MTMR3: variants seen among roughly 807,000 people sequenced by gnomAD.
MTMR3 encodes myotubularin related protein 3.
In MTMR3, 32 loss-of-function variants were observed where a neutral mutation model predicts 132.4. The ratio of observed to expected loss-of-function variants is 0.24; its 90% CI spans 0.18 to 0.32. MTMR3 has a LOEUF of 0.32. MTMR3 is among the 10% of genes least tolerant of loss of function. The probability of loss-of-function intolerance (pLI) is 1.00; values close to 1 mark genes in which losing one functional copy is unlikely to be tolerated. For synonymous variants in MTMR3, 556 were observed against 550.3 expected (o/e 1.01, Z -0.14); for missense variants, 1,216 against 1,489.6 (o/e 0.82, Z 3.02).
chr22:30,022,186 G>A, intron 18 of MTMR3, 47 bp downstream of exon 18: 1 of 1,483,366 alleles, frequency 6.7e-7, no homozygotes, highest in East Asian at 2.3e-5. Flanking sequence ...TAACTGTTTT[G>A]TGGTTCTTCT....
chr22:30,008,942 C>T, intron 11 of MTMR3, 76 bp from the exon 12 acceptor site: 1 of 960,020 alleles, frequency 1.0e-6, no homozygotes, highest in Non-Finnish European at 1.7e-6. Context: ...GTTTTATAGC[C>T]AGTTTGCTTT....
intron 6 of MTMR3, chr22:29,990,697 C>T (rs1207929895): frequency 6.6e-6 from 1 of 152,194 alleles, no homozygotes; most frequent in Non-Finnish European, 1.5e-5. Context: ...TCTCGTGCCT[C>T]AGCCTTCTGA....
chr22:29,930,128 T>C (rs2065612785), intron 1 of MTMR3, among the ~76,000 whole-genome samples: 1 of 152,228 alleles, frequency 6.6e-6, no homozygotes, highest in African/African-American at 2.4e-5. Context: ...ATTTTTGCTT[T>C]TGAAAGTCAA....
At chr22:29,966,242 C>T (rs984879380) in intron 2 of MTMR3, among the ~76,000 whole-genome samples, 8 of 152,076 alleles carry the variant, frequency 5.3e-5, no homozygotes, top group Non-Finnish European at 1.0e-4. Flanking sequence ...AACCTATAAC[C>T]ACAGTAACAT....
At chr22:29,883,644 C>G (rs890010371) in intron 1 of MTMR3, among the ~76,000 whole-genome samples, 1 of 152,158 alleles carries the variant, frequency 6.6e-6, no homozygotes, top group African/African-American at 2.4e-5. Flanking sequence ...GCTGCCTTCC[C>G]AGACCTGGCG....
chr22:30,013,272 A>G (rs1601420693), intron 13 of MTMR3, 84 bp from the exon 14 acceptor site: 1 of 1,445,184 alleles, frequency 6.9e-7, no homozygotes, highest in East Asian at 2.3e-5. Flanking sequence ...GTTAGAGGGG[A>G]TTGCTTTCTG....
At chr22:29,901,107 A>G (rs1247542480) in intron 1 of MTMR3, among the ~76,000 whole-genome samples, 2 of 152,098 alleles carry the variant, frequency 1.3e-5, no homozygotes, top group Non-Finnish European at 2.9e-5. Flanking sequence ...AAATTTTGGT[A>G]TTTTGAACCA....
rs1385821477 is a variant in MTMR3, at chr22:29,983,934, A to AT, written c.211-4540dup. 4.8e-4 allele frequency: 73 copies of AT among 151,320 alleles called. 2 individuals are homozygous for AT. The highest frequency in any genetic ancestry group is 8.8e-5 in the Non-Finnish European group (6 of 67,818). The allele number at this position is 151,320 out of a possible 1,614,324, so 9.4% of individuals were successfully genotyped here. On this transcript the variant is annotated intron_variant, in intron 5 of 19. Transcript: ENST00000401950. ...TTACAGATGTGAGCCACTGCACTCAATTTTTTATTTTATTTTATTTTTATT... is the reference window on the plus strand; with the variant it reads ...TTACAGATGTGAGCCACTGCACTCAATTTTTTTATTTTATTTTATTTTTATT...
chr22:30,008,864 A>G, intron 11 of MTMR3, 154 bp from the exon 12 acceptor site: 1 of 524,076 alleles, frequency 1.9e-6, no homozygotes, highest in Non-Finnish European at 3.4e-6. Context: ...CTTATTATAA[A>G]GGATTGGGCT....
intron 1 of MTMR3, among the ~76,000 whole-genome samples, chr22:29,896,375 G>T (rs1249104294): frequency 6.6e-6 from 1 of 152,132 alleles, no homozygotes; most frequent in African/African-American, 2.4e-5. Flanking sequence ...GCCAAACAAG[G>T]GTAGAATGGT....
At chr22:29,978,633 AACAT>A (rs1177461986) in intron 4 of MTMR3, 102 bp downstream of exon 4, 3 of 791,216 alleles carry the variant, frequency 3.8e-6, no homozygotes, top group Non-Finnish European at 5.8e-6. Flanking sequence ...ATATATATAT[AACAT>A]ACATGTAGTA....
At chr22:29,887,535 G>C (rs1302227523) in intron 1 of MTMR3, among the ~76,000 whole-genome samples, 1 of 152,198 alleles carries the variant, frequency 6.6e-6, no homozygotes, top group Non-Finnish European at 1.5e-5. Flanking sequence ...GAAGGTTTCT[G>C]CTTCTGTACT....
At chr22:29,924,427 A>G (rs926210056) in intron 1 of MTMR3, among the ~76,000 whole-genome samples, 11 of 151,966 alleles carry the variant, frequency 7.2e-5, no homozygotes, top group Non-Finnish European at 8.8e-5. Flanking sequence ...CTATATGTCT[A>G]TTTTTATGCC....
intron 1 of MTMR3, among the ~76,000 whole-genome samples, chr22:29,909,549 T>C (rs1284248201): frequency 1.3e-5 from 2 of 152,180 alleles, no homozygotes; most frequent in African/African-American, 4.8e-5. Flanking sequence ...GATAATAATA[T>C]TACCTACTTT....
At chr22:29,981,117 T>C (rs2066734344) in intron 5 of MTMR3, 1 of 152,256 alleles carries the variant, frequency 6.6e-6, no homozygotes, top group Non-Finnish European at 1.5e-5. Context: ...CTTTCTTTGC[T>C]TTGTCTTTAT....
intron 1 of MTMR3, among the ~76,000 whole-genome samples, chr22:29,892,219 A>G (rs1382032320): frequency 1.3e-5 from 2 of 152,150 alleles, no homozygotes. Flanking sequence ...TAAATTTAAA[A>G]CATCAGTTCA....
chr22:29,969,614 T>C (rs1397992228), intron 2 of MTMR3, among the ~76,000 whole-genome samples: 7 of 152,050 alleles, frequency 4.6e-5, no homozygotes, highest in East Asian at 3.9e-4. Flanking sequence ...CACTGCAACC[T>C]CTGCCTCCCA....
chr22:29,968,051 A>C (rs1238000667), intron 2 of MTMR3, among the ~76,000 whole-genome samples: 4 of 151,898 alleles, frequency 2.6e-5, no homozygotes, highest in Non-Finnish European at 5.9e-5. Flanking sequence ...CTGTTACGAA[A>C]ATTTGTGTAG....
chr22:29,997,163 G>T (rs2067078906), intron 7 of MTMR3: 2 of 152,210 alleles, frequency 1.3e-5, no homozygotes. Flanking sequence ...GATGGATTTA[G>T]TTTTTATTTC....
Sources: allele counts gnomAD v4.1 joint callset (sites outside exome capture counted in the v4.1 genomes callset), GRCh38; gene constraint gnomAD v4.1.1; transcripts MANE v1.5; gene names NCBI Gene and HGNC (gene_info 2026-07-23, HGNC 2026-07-21).